PABPC4L: variants seen among roughly 807,000 people sequenced by gnomAD.
The protein encoded by PABPC4L is poly(A) binding protein cytoplasmic 4 like.
For synonymous variants in PABPC4L, 169 were observed against 164.1 expected, an observed-to-expected ratio of 1.03 and a Z score of -0.23; for missense variants, 452 against 451.4, an observed-to-expected ratio of 1.00 and a Z score of -0.01.
chr4:134,150,117 C>T, the PABPC4L span, among the ~76,000 whole-genome samples: 2 of 148,024 alleles, frequency 1.4e-5, no homozygotes, highest in African/African-American at 5.0e-5. Flanking sequence ...GAGTCTCACT[C>T]TGTCACCTAG....
At chr4:134,135,990 T>C in the PABPC4L span, among the ~76,000 whole-genome samples, 117 of 152,232 alleles carry the variant, frequency 7.7e-4, no homozygotes, top group African/African-American at 2.7e-3. Flanking sequence ...AAATAGCATC[T>C]TTCCATTATA....
chr4:133,997,042 C>A, the PABPC4L span, among the ~76,000 whole-genome samples: 1 of 152,194 alleles, frequency 6.6e-6, no homozygotes, highest in Non-Finnish European at 1.5e-5. Context: ...AAAGCTTTTG[C>A]AAAGCCTCTC....
At chr4:133,994,108 C>T in the PABPC4L span, among the ~76,000 whole-genome samples, 1 of 151,966 alleles carries the variant, frequency 6.6e-6, no homozygotes, top group African/African-American at 2.4e-5. Context: ...TGAAGGGGCC[C>T]CATAGGTTGC....
At chr4:134,153,297 C>T in the PABPC4L span, among the ~76,000 whole-genome samples, 29 of 151,660 alleles carry the variant, frequency 1.9e-4, 1 homozygote, top group Non-Finnish European at 2.8e-4. Context: ...TTTAGTTTGC[C>T]GAGTCATCAC....
the PABPC4L span, among the ~76,000 whole-genome samples, chr4:134,064,619 G>C: frequency 1.3e-5 from 2 of 151,934 alleles, no homozygotes; most frequent in Non-Finnish European, 2.9e-5. Context: ...TTTTATTTAG[G>C]TTCAGCATAC....
downstream of PABPC4L, among the ~76,000 whole-genome samples, chr4:134,191,475 T>C (rs1729510873): frequency 6.6e-6 from 1 of 151,972 alleles, no homozygotes; most frequent in South Asian, 2.1e-4. Context: ...TAAAAAAGGA[T>C]TGAAATAATA....
At chr4:134,063,753 A>G in the PABPC4L span, among the ~76,000 whole-genome samples, 2 of 152,062 alleles carry the variant, frequency 1.3e-5, no homozygotes, top group South Asian at 4.1e-4. Context: ...TCTAGGCAGT[A>G]AATATAAATA....
chr4:134,076,390 G>T, the PABPC4L span, among the ~76,000 whole-genome samples: 1 of 152,124 alleles, frequency 6.6e-6, no homozygotes, highest in South Asian at 2.1e-4. Flanking sequence ...ATTCCTTGGA[G>T]AGTGCAGAAT....
chr4:134,128,043 C>A, the PABPC4L span, among the ~76,000 whole-genome samples: 1 of 151,984 alleles, frequency 6.6e-6, no homozygotes, highest in African/African-American at 2.4e-5. Flanking sequence ...TAGAATCAAA[C>A]AAGTAGAAGA....
chr4:134,085,356 C>G, the PABPC4L span, among the ~76,000 whole-genome samples: 4 of 152,094 alleles, frequency 2.6e-5, no homozygotes, highest in African/African-American at 9.6e-5. Flanking sequence ...ATAAAATACA[C>G]ATGTACATAT....
the PABPC4L span, among the ~76,000 whole-genome samples, chr4:134,019,553 G>T: frequency 6.6e-6 from 1 of 152,038 alleles, no homozygotes; most frequent in Non-Finnish European, 1.5e-5. Context: ...AATGACAATC[G>T]GTAGCTATAA....
Position 134,197,983 on chromosome 4 carries a change from T to C in PABPC4L, c.*1924A>G, listed in dbSNP as rs1208595848. ...AAGAAAATAGATATATTTGCATATA[T>C]AAGTTCGCAAGGATGTTAATCTCCA... On this transcript the variant is annotated 3_prime_UTR_variant, in exon 2 of 2. Transcript: ENST00000421491. 4.6e-5 allele frequency: 7 copies of C among 151,736 alleles called. No individual in the cohort carries two copies. Among genetic ancestry groups the C allele is most frequent in the African/African-American group, 1.7e-4 (7 of 41,412 alleles). The allele number at this position is 151,736 out of a possible 1,614,324, so 9.4% of individuals were successfully genotyped here.
At chr4:134,147,387 CTTTAA>C in the PABPC4L span, among the ~76,000 whole-genome samples, 1 of 151,804 alleles carries the variant, frequency 6.6e-6, no homozygotes, top group African/African-American at 2.4e-5. Context: ...TTTAAACTTC[CTTTAA>C]TTTAACTTAA....
At chr4:134,138,064 T>C in the PABPC4L span, among the ~76,000 whole-genome samples, 4 of 151,704 alleles carry the variant, frequency 2.6e-5, no homozygotes, top group Non-Finnish European at 5.9e-5. Context: ...ATGCTTCCAT[T>C]TTCAAAGAGT....
the PABPC4L span, among the ~76,000 whole-genome samples, chr4:134,091,382 T>G: frequency 1.3e-5 from 2 of 151,956 alleles, no homozygotes; most frequent in Non-Finnish European, 2.9e-5. Flanking sequence ...TTAAAATGCT[T>G]TCCTTTCTTC....
chr4:134,082,141 GA>G, the PABPC4L span, among the ~76,000 whole-genome samples: 1 of 152,078 alleles, frequency 6.6e-6, no homozygotes, highest in Admixed American at 6.6e-5. Context: ...GATTCAAAAA[GA>G]ATAAAAGGGA....
chr4:134,141,765 G>C, the PABPC4L span, among the ~76,000 whole-genome samples: 1 of 151,490 alleles, frequency 6.6e-6, no homozygotes, highest in African/African-American at 2.4e-5. Context: ...GAGAGATTGA[G>C]AGCCTTTCCT....
chr4:133,966,300 A>G, the PABPC4L span, among the ~76,000 whole-genome samples: 1 of 152,168 alleles, frequency 6.6e-6, no homozygotes, highest in Non-Finnish European at 1.5e-5. Context: ...TAATAAAAAA[A>G]TCAAAAAACA....
At chr4:134,000,384 A>AAAAC in the PABPC4L span, among the ~76,000 whole-genome samples, 3 of 152,294 alleles carry the variant, frequency 2.0e-5, no homozygotes, top group Non-Finnish European at 2.9e-5. Context: ...CCAACAATTT[A>AAAAC]AAGTAATAGG....
Sources: gnomAD v4.1 joint callset for allele counts (sites outside exome capture counted in the v4.1 genomes callset) on GRCh38, gnomAD v4.1.1 for gene constraint, MANE v1.5 for transcripts, NCBI Gene and HGNC (gene_info 2026-07-23, HGNC 2026-07-21) for gene names.